LEF1: variants seen among roughly 807,000 people sequenced by gnomAD.
The protein encoded by LEF1 is lymphoid enhancer-binding factor 1.
Under a neutral mutation model 51.2 loss-of-function variants are expected in LEF1, and 14 were observed. That is an observed-to-expected ratio of 0.27 (90% CI 0.18 to 0.43). The LOEUF is 0.43. Among genes scored for constraint, LEF1 ranks in the 20% least tolerant of loss-of-function variants. The pLI, the probability that LEF1 is intolerant of heterozygous loss-of-function variation, is 1.00. For missense variants in LEF1, 386 were observed against 512.0 expected (o/e 0.75, Z 2.37); for synonymous variants, 185 against 183.2 (o/e 1.01, Z -0.08).
chr4:108,049,269 C>T lies in LEF1; in HGVS notation c.*7-518G>A, dbSNP rs567117707. On this transcript the variant is annotated intron_variant, in intron 11 of 11. Coordinates refer to ENST00000265165, the MANE Select transcript of LEF1 (RefSeq NM_016269.5). ...CACTCACAGCCCAGAGGATACAAAC[C>T]GCTCCCTTTTTCCTTAAGATCTTAC... Among the ~76,000 whole-genome samples, 10 of 152,252 alleles carry T rather than the reference C, an allele frequency of 6.6e-5. No homozygotes were observed. The East Asian group carries it at 1.4e-3, about 21-fold the overall frequency.
In LEF1 at chr4:108,050,380, A is replaced by G. The variant is rs147407204; in HGVS notation, c.*7-1629T>C. 8.5e-5 allele frequency among the ~76,000 whole-genome samples: 13 copies of G among 152,274 alleles called. No individual in the cohort carries two copies. In the East Asian group the frequency reaches 2.5e-3, roughly 30 times the overall value. ...CAGGGTGCTCTAGATTGGAGGTGTT[A>G]GCCCTGCTTGAGAATGGGGCCACAG... is the stretch of plus-strand genomic sequence containing the variant. On this transcript the variant is annotated intron_variant, in intron 11 of 11. Transcript: ENST00000265165.
chr4:108,063,089 A>G (rs544016804), intron 11 of LEF1, among the ~76,000 whole-genome samples: 5 of 152,340 alleles, frequency 3.3e-5, no homozygotes, highest in African/African-American at 1.2e-4. Flanking sequence ...CAGTTAAATA[A>G]GTGCCCATGC....
At chr4:108,145,983 G>A (rs1743979261) in intron 3 of LEF1, among the ~76,000 whole-genome samples, 1 of 151,882 alleles carries the variant, frequency 6.6e-6, no homozygotes, top group African/African-American at 2.4e-5. Context: ...ACTCAAAGTG[G>A]GTAAAATGTA....
In LEF1 at chr4:108,166,799, T is replaced by C. The variant is rs886512388; in HGVS notation, c.213+756A>G. Reference sequence around the variant, plus strand: ...TCCGGTCCCAAACCCCAAATAAAAGTTGTGGGTTTGTTTCCAAGTGATGGC... The same window carrying C: ...TCCGGTCCCAAACCCCAAATAAAAGCTGTGGGTTTGTTTCCAAGTGATGGC... On this transcript the variant is annotated intron_variant, in intron 1 of 11. Transcript: ENST00000265165. 15 of 985,770 alleles carry C rather than the reference T, an allele frequency of 1.5e-5. No individual in the cohort carries two copies. In the African/African-American group the frequency reaches 2.3e-4, roughly 15 times the overall value. 61.1% of individuals were successfully genotyped at this position (985,770 alleles called of 1,614,324 possible). A position where few individuals can be genotyped will look rare whatever the true frequency, so the allele number is the denominator to read the frequency against.
intron 3 of LEF1, among the ~76,000 whole-genome samples, chr4:108,092,237 T>C (rs1740071480): frequency 6.6e-6 from 1 of 152,226 alleles, no homozygotes; most frequent in African/African-American, 2.4e-5. Context: ...CCTTGTCTTA[T>C]ATTTTGCAAG....
intron 3 of LEF1, among the ~76,000 whole-genome samples, chr4:108,149,338 G>A (rs1430738174): frequency 8.0e-5 from 12 of 149,166 alleles, no homozygotes; most frequent in African/African-American, 2.7e-4. Context: ...GGGCGCCTGT[G>A]GTCCCGGCTA....
intron 8 of LEF1, among the ~76,000 whole-genome samples, chr4:108,071,342 A>G (rs1020047562): frequency 3.3e-5 from 5 of 152,088 alleles, no homozygotes; most frequent in Non-Finnish European, 2.9e-5. Context: ...GTCTCCTCAC[A>G]CTCATATAGA....
intron 11 of LEF1, among the ~76,000 whole-genome samples, chr4:108,058,162 C>T (rs867043416): frequency 4.6e-5 from 7 of 152,038 alleles, no homozygotes; most frequent in African/African-American, 1.7e-4. Flanking sequence ...GTGTGAGCCC[C>T]TGTGCCCAGC....
chr4:108,163,476 T>C lies in LEF1; in HGVS notation c.414+92A>G, dbSNP rs1009727364. On this transcript the variant is annotated intron_variant, in intron 3 of 11. Coordinates refer to ENST00000265165, the MANE Select transcript of LEF1 (RefSeq NM_016269.5). ...CGACTAGTTATATATAATGAAAGCA[T>C]TACCAATGAGTTTGGAAAAATAAAC... 2.2e-6 allele frequency: 3 copies of C among 1,376,904 alleles called. No individual in the cohort carries two copies. In the Admixed American group the frequency reaches 5.6e-5, roughly 26 times the overall value. 85.3% of individuals were successfully genotyped at this position (1,376,904 alleles called of 1,614,324 possible).
At position 108,155,425 on chromosome 4, in the gene LEF1, A is replaced by T. The variant is rs79532785; in HGVS notation, c.414+8143T>A. The stretch of plus-strand genomic sequence containing the variant: ...GTAAAAATACGATGACATTCCCCTG[A>T]ATTTTTATTTATGCAAACATTTTCT... On this transcript the variant is annotated intron_variant, in intron 3 of 11. Transcript: ENST00000265165. Among the ~76,000 whole-genome samples the T allele has an allele frequency of 1.3e-4, 20 of 152,306 alleles. No homozygotes were observed. In the East Asian group the frequency reaches 3.9e-3, roughly 29 times the overall value.
In LEF1 at chr4:108,162,892, T is replaced by C. The variant is rs554783976; in HGVS notation, c.414+676A>G. Among the ~76,000 whole-genome samples, 6 of 152,268 alleles carry C rather than the reference T, an allele frequency of 3.9e-5. No individual in the cohort carries two copies. The South Asian group carries it at 1.2e-3, about 32-fold the overall frequency. On this transcript the variant is annotated intron_variant, in intron 3 of 11. Coordinates refer to ENST00000265165, the MANE Select transcript of LEF1 (RefSeq NM_016269.5). ...ACTTCCTAAGAGAAATATCATCAAATAAACCTGAAATTCTTTATAATGTTA... is the reference window on the plus strand; with the variant it reads ...ACTTCCTAAGAGAAATATCATCAAACAAACCTGAAATTCTTTATAATGTTA...
At chr4:108,152,455 A>G (rs1349482816) in intron 3 of LEF1, among the ~76,000 whole-genome samples, 3 of 152,114 alleles carry the variant, frequency 2.0e-5, no homozygotes, top group Non-Finnish European at 2.9e-5. Context: ...CGGGGAGAAA[A>G]CCTCATGAGA....
intron 6 of LEF1, among the ~76,000 whole-genome samples, chr4:108,080,746 T>G (rs1739229318): frequency 1.3e-5 from 2 of 152,130 alleles, no homozygotes; most frequent in Non-Finnish European, 2.9e-5. Flanking sequence ...AAAAAAAAAG[T>G]TTTTTTAAAG....
At chr4:108,148,949 GAGT>G (rs1744160538) in intron 3 of LEF1, among the ~76,000 whole-genome samples, 2 of 152,118 alleles carry the variant, frequency 1.3e-5, no homozygotes, top group Admixed American at 1.3e-4. Context: ...AGATAGCACT[GAGT>G]TACTATGAAT....
intron 9 of LEF1, 52 bp downstream of exon 9, chr4:108,070,611 A>G: frequency 1.6e-6 from 2 of 1,224,692 alleles, no homozygotes; most frequent in Non-Finnish European, 2.4e-6. Flanking sequence ...CTTGAACGCA[A>G]AAGAGCGAAT....
intron 11 of LEF1, among the ~76,000 whole-genome samples, chr4:108,057,935 G>A (rs1453851151): frequency 2.0e-5 from 3 of 150,098 alleles, no homozygotes; most frequent in African/African-American, 7.4e-5. Flanking sequence ...GTGCAATGGT[G>A]CTATCTCTGC....
At chr4:108,131,153 C>T (rs1466997626) in intron 3 of LEF1, among the ~76,000 whole-genome samples, 1 of 151,942 alleles carries the variant, frequency 6.6e-6, no homozygotes, top group African/African-American at 2.4e-5. Flanking sequence ...TTAATTTAAA[C>T]TACTCAAGCA....
At position 108,167,512 on chromosome 4, in the gene LEF1, G is replaced by A. The variant is rs745508637; in HGVS notation, c.213+43C>T. 6.3e-7 allele frequency: 1 copy of A among 1,599,920 alleles called. No homozygotes were observed. The highest frequency in any genetic ancestry group is 1.7e-5 in the Admixed American group (1 of 59,710). On this transcript the variant is annotated intron_variant, in intron 1 of 11. Coordinates refer to ENST00000265165, the MANE Select transcript of LEF1 (RefSeq NM_016269.5). The surrounding 1 kb of genome is among the most constrained non-coding windows in gnomAD (Gnocchi z 5.7). Reference sequence around the variant, plus strand: ...CTTCCTCCCTCTCTGAGTTTCCCAGGGACCCGCCACGCCTCTCGGAACTGG... The same window carrying A: ...CTTCCTCCCTCTCTGAGTTTCCCAGAGACCCGCCACGCCTCTCGGAACTGG...
chr4:108,069,973 C>T lies in LEF1; in HGVS notation c.1116+690G>A, dbSNP rs986905893. ...ATTCTGTCTCAAAAAAAAAAAAAAA[C>T]GCAAAATAACTTTAAAACATTTATA... On this transcript the variant is annotated intron_variant, in intron 9 of 11. Transcript: ENST00000265165. Among the ~76,000 whole-genome samples the T allele has an allele frequency of 3.4e-5, 5 of 145,220 alleles. No homozygotes were observed. The Middle Eastern group carries it at 0.014, about 412-fold the overall frequency.
Sources: allele counts gnomAD v4.1 joint callset (sites outside exome capture counted in the v4.1 genomes callset), GRCh38; gene constraint gnomAD v4.1.1; non-coding constraint Gnocchi (gnomAD v3.1); transcripts MANE v1.5; gene names NCBI Gene and HGNC (gene_info 2026-07-23, HGNC 2026-07-21).